The following GALNTL6 variants were observed in gnomAD, a reference collection of about 807,000 sequenced individuals.
GALNTL6 encodes polypeptide N-acetylgalactosaminyltransferase like 6.
GALNTL6 carries 46 observed loss-of-function variants against 73.7 expected under a neutral mutation model. The ratio of observed to expected loss-of-function variants is 0.62; its 90% CI spans 0.49 to 0.80. GALNTL6 has a LOEUF of 0.80. Ranked by LOEUF, GALNTL6 falls within the 30% of genes least tolerant of loss-of-function variation. GALNTL6 has a pLI of 0.00. For synonymous variants in GALNTL6, 259 were observed against 263.7 expected (o/e 0.98, Z 0.17); for missense variants, 604 against 755.0 (o/e 0.80, Z 2.34).
rs534192458 is a variant in GALNTL6, at chr4:172,930,592, A to G, written c.1042-569A>G. ...TGTCTAAGCATGAAATGTGGGTTCA[A>G]TACAATATTTGTAACAAAATTTTAC... is the stretch of plus-strand genomic sequence containing the variant. On this transcript the variant is annotated intron_variant, in intron 8 of 12. Coordinates refer to ENST00000506823, the MANE Select transcript of GALNTL6 (RefSeq NM_001034845.3). Among the ~76,000 whole-genome samples the G allele has an allele frequency of 3.9e-5, 6 of 152,360 alleles. No individual in the cohort carries two copies. In the South Asian group the frequency reaches 1.2e-3, roughly 32 times the overall value.
intron 2 of GALNTL6, among the ~76,000 whole-genome samples, chr4:172,006,817 G>A (rs561732999): frequency 1.5e-4 from 22 of 151,552 alleles, no homozygotes; most frequent in African/African-American, 5.1e-4. Flanking sequence ...TGGATTCTGA[G>A]GTTCTTTAAT....
intron 2 of GALNTL6, among the ~76,000 whole-genome samples, chr4:172,223,329 C>T (rs770351290): frequency 3.9e-5 from 6 of 152,032 alleles, no homozygotes; most frequent in Non-Finnish European, 8.8e-5. Flanking sequence ...TGTGTTTGTA[C>T]ATATATGAAA....
intron 2 of GALNTL6, among the ~76,000 whole-genome samples, chr4:172,175,834 G>T (rs1489188804): frequency 6.6e-6 from 1 of 151,480 alleles, no homozygotes; most frequent in Admixed American, 6.6e-5. Flanking sequence ...GTGCTCCTTT[G>T]CTTGTCTCAC....
chr4:172,261,530 C>T (rs1163838915), intron 3 of GALNTL6, among the ~76,000 whole-genome samples: 1 of 151,110 alleles, frequency 6.6e-6, no homozygotes, highest in Non-Finnish European at 1.5e-5. Flanking sequence ...TGTTCGATCA[C>T]TTTTGATTAT....
At chr4:172,423,005 T>C (rs1490373225) in intron 5 of GALNTL6, among the ~76,000 whole-genome samples, 2 of 151,744 alleles carry the variant, frequency 1.3e-5, no homozygotes, top group East Asian at 4.0e-4. Flanking sequence ...GTATAGATAT[T>C]TCTATACCTA....
In GALNTL6 at chr4:172,503,640, G is replaced by T. The variant is rs971309044; in HGVS notation, c.553+154951G>T. Among the ~76,000 whole-genome samples, 10 of 149,506 alleles carry T rather than the reference G, an allele frequency of 6.7e-5. No individual in the cohort carries two copies. The South Asian group carries it at 2.1e-3, about 31-fold the overall frequency. The stretch of plus-strand genomic sequence containing the variant: ...AAATTAATACAGATACTTAAAAAAT[G>T]TACACTACTATGGAATTTACAAAAA... On this transcript the variant is annotated intron_variant, in intron 5 of 12. Coordinates refer to ENST00000506823, the MANE Select transcript of GALNTL6 (RefSeq NM_001034845.3).
chr4:172,457,802 C>T (rs144023276), intron 5 of GALNTL6, among the ~76,000 whole-genome samples: 7 of 152,190 alleles, frequency 4.6e-5, no homozygotes, highest in South Asian at 2.1e-4. Flanking sequence ...GACGTATCAA[C>T]GAGACAGAAA....
At chr4:172,347,355 T>C (rs1029489572) in intron 4 of GALNTL6, among the ~76,000 whole-genome samples, 3 of 152,218 alleles carry the variant, frequency 2.0e-5, no homozygotes, top group Non-Finnish European at 2.9e-5. Flanking sequence ...ACAAGTAATA[T>C]GTACAATAGC....
intron 5 of GALNTL6, among the ~76,000 whole-genome samples, chr4:172,349,566 A>T (rs150461907): frequency 2.0e-5 from 3 of 152,118 alleles, no homozygotes; most frequent in Non-Finnish European, 4.4e-5. Flanking sequence ...GTATTCAAAA[A>T]TTCTGCAAAA....
intron 5 of GALNTL6, among the ~76,000 whole-genome samples, chr4:172,417,425 G>T (rs1730885704): frequency 6.6e-6 from 1 of 152,030 alleles, no homozygotes; most frequent in African/African-American, 2.4e-5. Flanking sequence ...TGGGATAGAT[G>T]ATGCTTCTTC....
At chr4:172,752,573 A>G (rs1336646821) in intron 5 of GALNTL6, among the ~76,000 whole-genome samples, 1 of 152,050 alleles carries the variant, frequency 6.6e-6, no homozygotes, top group Non-Finnish European at 1.5e-5. Context: ...AAAGGTTTAT[A>G]TTTTTTACAA....
Position 172,453,383 on chromosome 4 carries a change from A to G in GALNTL6, c.553+104694A>G, listed in dbSNP as rs74662559. On this transcript the variant is annotated intron_variant, in intron 5 of 12. Coordinates refer to ENST00000506823, the MANE Select transcript of GALNTL6 (RefSeq NM_001034845.3). ...GAAAAGGTCTGACTTTTCATTTTAA[A>G]AAGTATTATGCTTGAAATGCTGATT... 9.4e-3 allele frequency among the ~76,000 whole-genome samples: 1,425 copies of G among 152,320 alleles called. 15 individuals are homozygous for G. Among genetic ancestry groups the G allele is most frequent in the East Asian group, 0.04 (205 of 5,186 alleles).
chr4:172,417,447 C>T (rs1421065333), intron 5 of GALNTL6, among the ~76,000 whole-genome samples: 4 of 151,912 alleles, frequency 2.6e-5, no homozygotes, highest in African/African-American at 4.8e-5. Context: ...TCTGGGAGTT[C>T]GGGACCAGCC....
At chr4:172,748,780 A>C (rs1737256552) in intron 5 of GALNTL6, among the ~76,000 whole-genome samples, 1 of 152,220 alleles carries the variant, frequency 6.6e-6, no homozygotes, top group Non-Finnish European at 1.5e-5. Flanking sequence ...ACCACAAAGA[A>C]ATGGTAGATA....
At chr4:171,937,369 A>G (rs1236276634) in intron 2 of GALNTL6, among the ~76,000 whole-genome samples, 5 of 152,130 alleles carry the variant, frequency 3.3e-5, no homozygotes. Flanking sequence ...TTCCTTAACA[A>G]TTCTTAACTC....
At chr4:172,085,429 T>G (rs1342490095) in intron 2 of GALNTL6, among the ~76,000 whole-genome samples, 1 of 152,148 alleles carries the variant, frequency 6.6e-6, no homozygotes, top group Non-Finnish European at 1.5e-5. Flanking sequence ...GGTTCATGCC[T>G]GTAATCCTAG....
chr4:172,439,172 TCACACACACACACA>T (rs57281407), intron 5 of GALNTL6, among the ~76,000 whole-genome samples: 1 of 145,620 alleles, frequency 6.9e-6, no homozygotes, highest in Non-Finnish European at 1.5e-5. Context: ...TCTCTCCCCT[TCACACACACACACA>T]CACACACACA....
chr4:172,761,128 C>A (rs1738059306), intron 5 of GALNTL6, among the ~76,000 whole-genome samples: 1 of 152,096 alleles, frequency 6.6e-6, no homozygotes, highest in South Asian at 2.1e-4. Context: ...GATGTTGTCC[C>A]TTCTATAGCC....
chr4:172,151,688 G>A (rs1469558146), intron 2 of GALNTL6, among the ~76,000 whole-genome samples: 1 of 151,998 alleles, frequency 6.6e-6, no homozygotes, highest in East Asian at 1.9e-4. Flanking sequence ...ACGTGAACAT[G>A]CCTAGGAATC....
Sources: allele counts gnomAD v4.1 joint callset (sites outside exome capture counted in the v4.1 genomes callset), GRCh38; gene constraint gnomAD v4.1.1; transcripts MANE v1.5; gene names NCBI Gene and HGNC (gene_info 2026-07-23, HGNC 2026-07-21).